Variants in SPATA6 observed in about 807,000 individuals in gnomAD.
The protein encoded by SPATA6 is spermatogenesis associated 6.
Under a neutral mutation model 65.3 loss-of-function variants are expected in SPATA6, and 56 were observed. The ratio of observed to expected loss-of-function variants is 0.86; its 90% CI spans 0.69 to 1.07. The LOEUF (loss-of-function observed/expected upper bound fraction) is 1.07. Among genes scored for constraint, SPATA6 ranks in the 50% least tolerant of loss-of-function variants. The pLI is 0.00. For missense variants in SPATA6, 590 were observed against 594.8 expected (o/e 0.99, Z 0.08); for synonymous variants, 199 against 213.2 (o/e 0.93, Z 0.58).
intron 1 of SPATA6, among the ~76,000 whole-genome samples, chr1:48,466,379 T>C (rs1317772691): frequency 2.0e-5 from 3 of 152,052 alleles, no homozygotes. Context: ...AGATACTATT[T>C]GTGCAAAATT....
chr1:48,434,395 G>C (rs979771734), intron 3 of SPATA6, among the ~76,000 whole-genome samples: 1 of 152,098 alleles, frequency 6.6e-6, no homozygotes, highest in Non-Finnish European at 1.5e-5. Flanking sequence ...CATTTGCCCT[G>C]AGTGGTACCT....
At chr1:48,330,851 G>A (rs540961062) in intron 11 of SPATA6, among the ~76,000 whole-genome samples, 2 of 152,264 alleles carry the variant, frequency 1.3e-5, no homozygotes, top group East Asian at 3.9e-4. Context: ...CACACAAACA[G>A]CAGACTATGG....
the SPATA6 span, among the ~76,000 whole-genome samples, chr1:48,265,489 G>C: frequency 1.3e-5 from 2 of 151,580 alleles, no homozygotes; most frequent in Admixed American, 1.3e-4. Flanking sequence ...TATGTTTCTT[G>C]GAGCTCAAGG....
chr1:48,280,777 C>T, the SPATA6 span, among the ~76,000 whole-genome samples: 3 of 152,140 alleles, frequency 2.0e-5, no homozygotes, highest in East Asian at 3.8e-4. Flanking sequence ...GGTACCATTC[C>T]TTCTGAAACT....
intron 11 of SPATA6, among the ~76,000 whole-genome samples, chr1:48,354,364 C>A (rs1646598190): frequency 6.6e-6 from 1 of 152,080 alleles, no homozygotes; most frequent in Non-Finnish European, 1.5e-5. Context: ...TACATTCCCT[C>A]TGATTAATTC....
intron 11 of SPATA6, among the ~76,000 whole-genome samples, chr1:48,324,139 G>A (rs932549909): frequency 1.3e-5 from 2 of 151,802 alleles, no homozygotes; most frequent in African/African-American, 4.8e-5. Flanking sequence ...ATTATTATTT[G>A]TAGAGACAAG....
chr1:48,403,665 A>G, intron 6 of SPATA6, 137 bp downstream of exon 6: 2 of 608,236 alleles, frequency 3.3e-6, no homozygotes, highest in Non-Finnish European at 5.7e-6. Context: ...AAATACCTAT[A>G]TTGTTTCACT....
intron 6 of SPATA6, among the ~76,000 whole-genome samples, chr1:48,401,563 G>A (rs1313946645): frequency 1.3e-5 from 2 of 152,100 alleles, no homozygotes; most frequent in Non-Finnish European, 2.9e-5. Flanking sequence ...CTTCAAAAGT[G>A]CTTATCCTCT....
At chr1:48,393,515 T>C (rs1321273276) in intron 8 of SPATA6, among the ~76,000 whole-genome samples, 2 of 152,126 alleles carry the variant, frequency 1.3e-5, no homozygotes, top group Non-Finnish European at 2.9e-5. Context: ...GCTATAAAGA[T>C]ATTATTAGGA....
chr1:48,284,443 C>T, the SPATA6 span, among the ~76,000 whole-genome samples: 1 of 152,190 alleles, frequency 6.6e-6, no homozygotes, highest in African/African-American at 2.4e-5. Flanking sequence ...ATTCATCAAA[C>T]TCATTCTCCA....
chr1:48,276,272 C>T, the SPATA6 span, among the ~76,000 whole-genome samples: 1 of 152,064 alleles, frequency 6.6e-6, no homozygotes, highest in African/African-American at 2.4e-5. Context: ...TTTAGCTGAT[C>T]TTTTCAATAA....
chr1:48,421,144 T>C (rs1010979804), intron 3 of SPATA6, among the ~76,000 whole-genome samples: 3 of 152,140 alleles, frequency 2.0e-5, no homozygotes, highest in African/African-American at 4.8e-5. Context: ...AGGGTGACCA[T>C]AGTTATCAAC....
At chr1:48,403,909 A>G in intron 5 of SPATA6, 27 bp from the exon 6 acceptor site, 1 of 1,494,602 alleles carries the variant, frequency 6.7e-7, no homozygotes, top group East Asian at 2.3e-5. Flanking sequence ...GGGTATTATT[A>G]CACATTTCCA....
At chr1:48,369,070 T>C (rs1376860086) in intron 9 of SPATA6, among the ~76,000 whole-genome samples, 1 of 152,202 alleles carries the variant, frequency 6.6e-6, no homozygotes, top group Admixed American at 6.5e-5. Context: ...TCCACACTGT[T>C]TGCCTGGGTA....
At chr1:48,309,384 A>G (rs1178059453) in intron 11 of SPATA6, among the ~76,000 whole-genome samples, 1 of 152,092 alleles carries the variant, frequency 6.6e-6, no homozygotes, top group Non-Finnish European at 1.5e-5. Context: ...GGTGCCAATG[A>G]GTCCTTCTAA....
At chr1:48,460,673 T>C (rs892506013) in intron 1 of SPATA6, among the ~76,000 whole-genome samples, 3 of 151,542 alleles carry the variant, frequency 2.0e-5, no homozygotes, top group African/African-American at 7.3e-5. Context: ...TGTGACCTAT[T>C]GCAAAATGTG....
rs1182135775 is a variant in SPATA6 at position 48,359,690 on chromosome 1, A to C, written c.990T>G (p.Ser330Arg). The C allele has an allele frequency of 6.2e-7, 1 of 1,613,844 alleles. No homozygotes were observed. The highest frequency in any genetic ancestry group is 8.5e-7 in the Non-Finnish European group (1 of 1,179,856). Residue 330 changes from serine to arginine, a missense_variant, in exon 10 of 13, where the codon AGT (serine) becomes AGG (arginine). By Grantham distance (110) the Ser-to-Arg change is moderately radical. Coordinates refer to ENST00000371847, the MANE Select transcript of SPATA6 (RefSeq NM_019073.4). Reference protein sequence around the residue: ...CEEYLSPRSCSKPRHSARTLL... With the variant: ...CEEYLSPRSCRKPRHSARTLL... ...AGGTCCTCGCTGAATGCCGGGGCTT[A>C]CTACACGACCTTGGGCTCAAATACT...
At chr1:48,428,775 A>ATGTGTGTGTGTGTG (rs59651745) in intron 3 of SPATA6, among the ~76,000 whole-genome samples, 3,395 of 133,384 alleles carry the variant, frequency 0.025, 60 homozygotes, top group Non-Finnish European at 0.039. Flanking sequence ...AGGTGTATAT[A>ATGTGTGTGTGTGTG]TGTGTGTGTG....
At chr1:48,276,816 G>C in the SPATA6 span, among the ~76,000 whole-genome samples, 4 of 152,182 alleles carry the variant, frequency 2.6e-5, no homozygotes, top group African/African-American at 9.7e-5. Context: ...TGTTGATTTG[G>C]GTGGAGAATT....
Sources: gnomAD v4.1 joint callset for allele counts (sites outside exome capture counted in the v4.1 genomes callset) on GRCh38, gnomAD v4.1.1 for gene constraint, MANE v1.5 for transcripts, NCBI Gene and HGNC (gene_info 2026-07-23, HGNC 2026-07-21) for gene names.